ROBO2: variants seen among roughly 807,000 people sequenced by gnomAD.
ROBO2 encodes the protein roundabout homolog 2.
In ROBO2, 53 loss-of-function variants were observed where a neutral mutation model predicts 160.8. The ratio of observed to expected loss-of-function variants is 0.33; its 90% CI spans 0.26 to 0.41. The LOEUF (loss-of-function observed/expected upper bound fraction) is 0.41. ROBO2 is among the 10% of genes least tolerant of loss of function. The pLI is 1.00. For synonymous variants in ROBO2, 664 were observed against 611.7 expected (o/e 1.09, Z -1.26); for missense variants, 1,577 against 1,722.4 (o/e 0.92, Z 1.49).
intron 2 of ROBO2, among the ~76,000 whole-genome samples, chr3:77,424,044 C>T (rs2153534740): frequency 6.6e-6 from 1 of 152,176 alleles, no homozygotes; most frequent in Non-Finnish European, 1.5e-5. Flanking sequence ...TACTGATGCT[C>T]AGAAAAATAC....
chr3:77,307,644 A>G (rs2153418938), intron 2 of ROBO2, among the ~76,000 whole-genome samples: 1 of 152,306 alleles, frequency 6.6e-6, no homozygotes, highest in East Asian at 1.9e-4. Context: ...GCACTTTGGG[A>G]GGCTGAGGCT....
chr3:76,991,210 T>C (rs1447517092), intron 2 of ROBO2, among the ~76,000 whole-genome samples: 4 of 152,172 alleles, frequency 2.6e-5, no homozygotes, highest in African/African-American at 9.7e-5. Context: ...TTGAGCTTGC[T>C]GCAGACATGT....
At chr3:76,651,136 A>G (rs1289753301) in intron 2 of ROBO2, among the ~76,000 whole-genome samples, 1 of 152,188 alleles carries the variant, frequency 6.6e-6, no homozygotes, top group Admixed American at 6.5e-5. Context: ...GATGATTTTC[A>G]GGCATGTATG....
intron 2 of ROBO2, among the ~76,000 whole-genome samples, chr3:75,971,362 G>T (rs2064987663): frequency 6.6e-6 from 1 of 151,568 alleles, no homozygotes; most frequent in East Asian, 2.0e-4. Flanking sequence ...TAATATTTGA[G>T]TGATGAAGGC....
At chr3:77,640,729 T>G (rs1318161586) in intron 24 of ROBO2, among the ~76,000 whole-genome samples, 2 of 152,182 alleles carry the variant, frequency 1.3e-5, no homozygotes, top group Non-Finnish European at 2.9e-5. Flanking sequence ...AATAATAAAT[T>G]TAATTTAAGT....
intron 2 of ROBO2, among the ~76,000 whole-genome samples, chr3:77,418,974 G>A (rs760272139): frequency 3.3e-5 from 5 of 152,068 alleles, no homozygotes; most frequent in Non-Finnish European, 7.4e-5. Flanking sequence ...CATAAATTGG[G>A]TGGCTTAAAA....
intron 2 of ROBO2, among the ~76,000 whole-genome samples, chr3:76,965,516 G>T (rs181694946): frequency 2.6e-5 from 4 of 152,084 alleles, no homozygotes; most frequent in Non-Finnish European, 5.9e-5. Context: ...GGGAAATTGC[G>T]TGTACCTATG....
intron 2 of ROBO2, among the ~76,000 whole-genome samples, chr3:76,587,088 G>A (rs149565831): frequency 6.6e-6 from 1 of 152,196 alleles, no homozygotes; most frequent in Non-Finnish European, 1.5e-5. Flanking sequence ...AGGAAGGGGG[G>A]TAGATAGACT....
At chr3:76,192,777 A>G (rs894334938) in intron 2 of ROBO2, among the ~76,000 whole-genome samples, 3 of 152,102 alleles carry the variant, frequency 2.0e-5, no homozygotes, top group Non-Finnish European at 4.4e-5. Context: ...TCATTTTATC[A>G]AAACAAATAA....
intron 4 of ROBO2, among the ~76,000 whole-genome samples, chr3:77,483,197 C>A (rs567890874): frequency 2.0e-5 from 3 of 151,996 alleles, no homozygotes; most frequent in East Asian, 1.9e-4. Context: ...GTTATAAGTA[C>A]AAGATTAAGT....
At chr3:76,592,823 C>T (rs568366893) in intron 2 of ROBO2, among the ~76,000 whole-genome samples, 1 of 152,166 alleles carries the variant, frequency 6.6e-6, no homozygotes, top group African/African-American at 2.4e-5. Context: ...GTTGCCAGAA[C>T]TCATTCCTGT....
intron 2 of ROBO2, among the ~76,000 whole-genome samples, chr3:77,459,322 T>C (rs2082000262): frequency 6.6e-6 from 1 of 152,216 alleles, no homozygotes; most frequent in African/African-American, 2.4e-5. Flanking sequence ...ATTAGACCAA[T>C]ATAAGGAACT....
At chr3:77,616,117 A>G (rs907881877) in intron 21 of ROBO2, among the ~76,000 whole-genome samples, 6 of 152,190 alleles carry the variant, frequency 3.9e-5, no homozygotes, top group Non-Finnish European at 8.8e-5. Flanking sequence ...CCACAATATA[A>G]GTATTATGGA....
At chr3:76,834,096 T>TTCTTTCTTTCTTTCTTTCTG (rs1236026703) in intron 2 of ROBO2, among the ~76,000 whole-genome samples, 6 of 148,042 alleles carry the variant, frequency 4.1e-5, no homozygotes, top group African/African-American at 1.2e-4. Flanking sequence ...CTTTCTTTCT[T>TTCTTTCTTTCTTTCTTTCTG]TCTTTCTTTC....
intron 2 of ROBO2, among the ~76,000 whole-genome samples, chr3:77,291,591 G>C (rs1463294211): frequency 6.8e-6 from 1 of 148,020 alleles, no homozygotes; most frequent in African/African-American, 2.5e-5. Context: ...GGTGAGGCTA[G>C]AGCAGTAAAG....
chr3:76,413,918 TA>T (rs2075622332), intron 2 of ROBO2, among the ~76,000 whole-genome samples: 1 of 129,442 alleles, frequency 7.7e-6, no homozygotes, highest in Non-Finnish European at 1.6e-5. Flanking sequence ...GATAAAGACA[TA>T]CCCAAGACTG....
At chr3:77,317,667 C>T (rs1291706703) in intron 2 of ROBO2, 197 of 61,928 alleles carry the variant, frequency 3.2e-3, no homozygotes, top group Non-Finnish European at 4.8e-3. Context: ...TGGGGGGCTG[C>T]TGGGGGGGCT....
At chr3:77,394,507 A>G (rs188871276) in intron 2 of ROBO2, among the ~76,000 whole-genome samples, 13 of 152,332 alleles carry the variant, frequency 8.5e-5, no homozygotes, top group Admixed American at 7.9e-4. Flanking sequence ...CAGAGCCAGT[A>G]TCACAGTTCC....
At chr3:77,352,223 CT>C (rs66651413) in intron 2 of ROBO2, among the ~76,000 whole-genome samples, 51,098 of 136,730 alleles carry the variant, frequency 0.37, 9,196 homozygotes, top group Non-Finnish European at 0.41. Context: ...TATGCTCTCT[CT>C]TTTTTTTTCT....
Sources: gnomAD v4.1 joint callset for allele counts (sites outside exome capture counted in the v4.1 genomes callset) on GRCh38, gnomAD v4.1.1 for gene constraint, MANE v1.5 for transcripts, NCBI Gene and HGNC (gene_info 2026-07-23, HGNC 2026-07-21) for gene names.